Variants in PPFIA1 observed in about 807,000 individuals in gnomAD.
PPFIA1 encodes liprin-alpha-1.
A neutral mutation model predicts 149.9 loss-of-function variants in PPFIA1; 25 were observed. The observed-to-expected ratio is 0.17, with a 90% CI of 0.12 to 0.23. PPFIA1 has a LOEUF of 0.23. PPFIA1 is among the 10% of genes least tolerant of loss of function. The pLI is 1.00. For missense variants in PPFIA1, 1,362 were observed against 1,506.5 expected (o/e 0.90, Z 1.59); for synonymous variants, 549 against 552.8 (o/e 0.99, Z 0.10).
chr11:70,382,910 G>C (rs185128410), intron 27 of PPFIA1, 93 bp from the exon 28 acceptor site: 4 of 348,306 alleles, frequency 1.1e-5, no homozygotes, highest in African/African-American at 4.6e-5. Context: ...GGTCAGTGTC[G>C]GGGGGACGTT....
chr11:70,356,197 C>T lies in PPFIA1; in HGVS notation c.2525C>T (p.Ala842Val). 6 of 1,614,004 alleles carry T rather than the reference C, an allele frequency of 3.7e-6. No homozygotes were observed. Among genetic ancestry groups the T allele is most frequent in the Non-Finnish European group, 5.1e-6 (6 of 1,179,994 alleles). Residue 842 changes from alanine to valine, a missense_variant, in exon 19 of 28, where the codon GCC becomes GTC. Ala to Val is a moderately conservative substitution (Grantham distance 64, BLOSUM62 0). This residue lies in a region of PPFIA1 where 91 missense variants were observed against 91.2 expected (regional missense o/e 1.00). Transcript: ENST00000253925. Reference protein sequence around the residue: ...VSETDNSSQDALGLSKLGGQA... With the variant: ...VSETDNSSQDVLGLSKLGGQA... ...GAGACGGATAACTCATCTCAGGATGCCTTGGGACTTAGCAAATTGGGGGGA... is the reference window on the plus strand; with the variant it reads ...GAGACGGATAACTCATCTCAGGATGTCTTGGGACTTAGCAAATTGGGGGGA...
intron 15 of PPFIA1, 114 bp downstream of exon 15, chr11:70,344,006 T>C: frequency 1.1e-6 from 1 of 932,222 alleles, no homozygotes; most frequent in South Asian, 1.7e-5. Flanking sequence ...TATTACATAA[T>C]AATAGAACTT....
chr11:70,307,762 A>C (rs2052954404), intron 2 of PPFIA1, among the ~76,000 whole-genome samples: 1 of 140,312 alleles, frequency 7.1e-6, no homozygotes, highest in Non-Finnish European at 1.5e-5. Flanking sequence ...TCTACAAAAA[A>C]AATTTTTTTT....
intron 16 of PPFIA1, chr11:70,350,902 A>AC: frequency 3.3e-6 from 2 of 605,512 alleles, no homozygotes; most frequent in Non-Finnish European, 4.3e-6. Context: ...TTCTATTTTA[A>AC]TATATTTGCT....
chr11:70,313,337 TA>T (rs2053406810), intron 2 of PPFIA1, among the ~76,000 whole-genome samples: 2 of 152,136 alleles, frequency 1.3e-5, no homozygotes, highest in Admixed American at 1.3e-4. Context: ...TAGAAGTTAT[TA>T]GGGGGGCTTT....
intron 14 of PPFIA1, among the ~76,000 whole-genome samples, chr11:70,342,415 G>A (rs1272250895): frequency 6.6e-6 from 1 of 152,180 alleles, no homozygotes; most frequent in Non-Finnish European, 1.5e-5. Context: ...AATCACCCCT[G>A]GGGGGATTGC....
intron 26 of PPFIA1, among the ~76,000 whole-genome samples, chr11:70,381,833 G>A (rs1421315876): frequency 6.6e-6 from 1 of 152,206 alleles, no homozygotes; most frequent in Admixed American, 6.5e-5. Context: ...AATTGTTACT[G>A]TACCATTTGG....
intron 17 of PPFIA1, 143 bp downstream of exon 17, chr11:70,354,595 C>CT: frequency 1.1e-6 from 1 of 905,014 alleles, no homozygotes; most frequent in African/African-American, 1.7e-5. Flanking sequence ...ACATGTTACA[C>CT]TTAGAATGCT....
At chr11:70,297,314 C>T (rs146214132) in intron 2 of PPFIA1, among the ~76,000 whole-genome samples, 11 of 152,004 alleles carry the variant, frequency 7.2e-5, no homozygotes, top group Non-Finnish European at 2.9e-5. Flanking sequence ...GAGGCTGAGG[C>T]GAGCGGATCG....
intron 2 of PPFIA1, among the ~76,000 whole-genome samples, chr11:70,292,495 T>C (rs2051604450): frequency 6.6e-6 from 1 of 152,248 alleles, no homozygotes; most frequent in Non-Finnish European, 1.5e-5. Context: ...CCCTCATCAC[T>C]GAGCCTTCTG....
At chr11:70,362,595 G>A (rs993972464) in intron 21 of PPFIA1, 107 bp downstream of exon 21, 3 of 1,187,274 alleles carry the variant, frequency 2.5e-6, no homozygotes, top group East Asian at 2.5e-5. Flanking sequence ...AGCATATGAA[G>A]TATAGTTCTA....
At chr11:70,328,277 G>C (rs1228846087) in intron 7 of PPFIA1, among the ~76,000 whole-genome samples, 1 of 152,022 alleles carries the variant, frequency 6.6e-6, no homozygotes, top group African/African-American at 2.4e-5. Context: ...GTTCCCCTCT[G>C]TCTGTCCCTG....
rs775188324 is a variant in PPFIA1, at chr11:70,355,688, A to C, written c.2365A>C (p.Ser789Arg). The C allele has an allele frequency of 6.2e-7, 1 of 1,613,932 alleles. No individual in the cohort carries two copies. The highest frequency in any genetic ancestry group is 1.3e-5 in the African/African-American group (1 of 74,936). Reference protein sequence around the residue: ...GPVSNPSSSNSSQDSLHKAPK... With the variant: ...GPVSNPSSSNRSQDSLHKAPK... Reference sequence around the variant, plus strand: ...CGTGAGCAACCCCAGCAGTAGCAACAGTAGCCAGGACTCGCTCCACAAAGC... The same window carrying C: ...CGTGAGCAACCCCAGCAGTAGCAACCGTAGCCAGGACTCGCTCCACAAAGC... The change falls in exon 18 of 28, where the codon AGT (serine) becomes CGT (arginine). Residue 789 changes from serine (S) to arginine (R), a missense_variant. Coordinates refer to ENST00000253925, the MANE Select transcript of PPFIA1 (RefSeq NM_003626.5).
chr11:70,360,120 T>C (rs967574096), intron 19 of PPFIA1, among the ~76,000 whole-genome samples: 1 of 152,258 alleles, frequency 6.6e-6, no homozygotes, highest in Non-Finnish European at 1.5e-5. Context: ...CTCTGCCTTC[T>C]CCCTAACTTC....
intron 26 of PPFIA1, chr11:70,378,584 C>G (rs1230302433): frequency 2.3e-6 from 1 of 432,094 alleles, no homozygotes; most frequent in Non-Finnish European, 3.1e-6. Context: ...GCTCTCCACA[C>G]CAGAGAAAAT....
At chr11:70,282,892 T>C (rs1318369421) in intron 2 of PPFIA1, among the ~76,000 whole-genome samples, 1 of 140,196 alleles carries the variant, frequency 7.1e-6, no homozygotes, top group African/African-American at 2.7e-5. Flanking sequence ...CAGGCTGGAG[T>C]GCAATGGTGC....
chr11:70,348,130 G>A, intron 15 of PPFIA1, 59 bp from the exon 16 acceptor site: 1 of 1,486,906 alleles, frequency 6.7e-7, no homozygotes, highest in South Asian at 1.1e-5. Context: ...TTTTTCTCAT[G>A]CAAACACATT....
intron 2 of PPFIA1, among the ~76,000 whole-genome samples, chr11:70,273,193 C>T (rs538588751): frequency 6.6e-6 from 1 of 152,186 alleles, no homozygotes; most frequent in Admixed American, 6.5e-5. Context: ...ATGAGAATCA[C>T]TTGAACCCGG....
chr11:70,274,523 C>T (rs1241207980), intron 2 of PPFIA1, among the ~76,000 whole-genome samples: 1 of 152,176 alleles, frequency 6.6e-6, no homozygotes. Context: ...GTAAAATAAT[C>T]TGTATGTTTT....
Sources: gnomAD v4.1 joint callset for allele counts (sites outside exome capture counted in the v4.1 genomes callset) on GRCh38, gnomAD v4.1.1 for gene constraint, gnomAD v4.1.1 regional missense constraint, MANE v1.5 for transcripts, NCBI Gene and HGNC (gene_info 2026-07-23, HGNC 2026-07-21) for gene names.